The following TRAF7 variants were observed in gnomAD, a reference collection of about 807,000 sequenced individuals.
The protein encoded by TRAF7 is E3 ubiquitin-protein ligase TRAF7.
Under a neutral mutation model 89.3 loss-of-function variants are expected in TRAF7, and 45 were observed. The ratio of observed to expected loss-of-function variants is 0.50; its 90% confidence interval spans 0.40 to 0.65. The LOEUF is 0.65. Ranked by LOEUF, TRAF7 falls within the 30% of genes least tolerant of loss-of-function variation. The pLI is 0.00. For synonymous variants in TRAF7, 406 were observed against 369.2 expected (o/e 1.10, Z -1.14); for missense variants, 677 against 918.1 (o/e 0.74, Z 3.39).
chr16:2,173,859 T>TGGGCGCCC, intron 12 of TRAF7, 23 bp downstream of exon 12: 1 of 1,246,254 alleles, frequency 8.0e-7, no homozygotes. Flanking sequence ...CCGCCGTGGC[T>TGGGCGCCC]CCCGCCCACC....
intron 2 of TRAF7, among the ~76,000 whole-genome samples, chr16:2,164,707 T>A (rs1436968743): frequency 7.0e-6 from 1 of 142,428 alleles, no homozygotes; most frequent in African/African-American, 2.7e-5. Context: ...GTGTGAGTGC[T>A]GCGTGGCGCG....
rs755832898 is a variant in TRAF7, at chr16:2,175,097, C to T, written c.1347-14C>T. ...AGCTTCTCCCACCTTGACACATTGT[C>T]TCTGCTTCCCCAGGTGCAAACTCTA... On this transcript the variant is annotated splice_polypyrimidine_tract_variant and intron_variant, in intron 14 of 20. Transcript: ENST00000326181. The T allele has an allele frequency of 1.9e-6, 3 of 1,613,860 alleles. No homozygotes were observed. Among genetic ancestry groups the T allele is most frequent in the Non-Finnish European group, 2.5e-6 (3 of 1,179,958 alleles).
rs762152937 is a variant in TRAF7, at chr16:2,165,921, A to G, written c.124A>G (p.Thr42Ala). 6.2e-7 allele frequency: 1 copy of G among 1,614,094 alleles called. No homozygotes were observed. Among genetic ancestry groups the G allele is most frequent in the Admixed American group, 1.7e-5 (1 of 60,016 alleles). Residue 42 changes from threonine (T) to alanine (A), a missense_variant, in exon 3 of 21, where the codon ACC becomes GCC. Thr to Ala is a moderately conservative substitution (Grantham distance 58). Transcript: ENST00000326181. ...TTFGPAFSAV[T>A]TITKADGTST... The stretch of plus-strand genomic sequence containing the variant: ...CTTCGGACCCGCCTTTTCAGCCGTC[A>G]CCACCATCACAAAAGGTGAGCCCTT...
intron 4 of TRAF7, among the ~76,000 whole-genome samples, chr16:2,169,236 G>T (rs2093098771): frequency 6.6e-6 from 1 of 152,100 alleles, no homozygotes; most frequent in East Asian, 1.9e-4. Flanking sequence ...CCCCCTCCTT[G>T]GCCTTCCAAA....
At chr16:2,160,450 C>T (rs1430159435) in intron 1 of TRAF7, among the ~76,000 whole-genome samples, 3 of 144,734 alleles carry the variant, frequency 2.1e-5, no homozygotes, top group Admixed American at 7.0e-5. Context: ...GTGGTGTGGA[C>T]AGGCAGGCGG....
chr16:2,166,804 G>C (rs1013515380), intron 3 of TRAF7, among the ~76,000 whole-genome samples: 1 of 152,256 alleles, frequency 6.6e-6, no homozygotes, highest in Non-Finnish European at 1.5e-5. Flanking sequence ...CCAGAGTGCT[G>C]CGCTTTGAAC....
At chr16:2,176,205 G>A (rs1235195237) in intron 19 of TRAF7, 25 bp downstream of exon 19, 2 of 1,601,964 alleles carry the variant, frequency 1.2e-6, no homozygotes, top group East Asian at 2.2e-5. Flanking sequence ...AGCGGTGGCA[G>A]GAGGCTCAGA....
chr16:2,173,392 CAA>C lies in TRAF7; in HGVS notation c.1006_1007del (p.Lys336ValfsTer2), dbSNP rs754559944. On this transcript the variant is annotated frameshift_variant, in exon 10 of 21. Coordinates refer to ENST00000326181, the MANE Select transcript of TRAF7 (RefSeq NM_032271.3). LOFTEE classifies it high-confidence loss of function. ...IDQLEKSLELKFDVLDENQSK... is the reference protein window; with the variant it reads ...IDQLEKSLELXFDVLDENQSK... ...ACCAGCTAGAGAAGAGCCTGGAGCT[CAA>C]GTTTGGTGAGGGTGGGCACCGGGGC... 1 of 1,613,318 alleles carries C rather than the reference CAA, an allele frequency of 6.2e-7. No homozygotes were observed.
At chr16:2,166,696 C>T (rs192843356) in intron 3 of TRAF7, among the ~76,000 whole-genome samples, 16 of 152,344 alleles carry the variant, frequency 1.1e-4, no homozygotes, top group Non-Finnish European at 2.2e-4. Flanking sequence ...GCCAGCAAGC[C>T]AAGCCCAATA....
rs1946230044 is a variant in TRAF7 at position 2,163,649 on chromosome 16, G to T, written c.-38-234G>T. On this transcript the variant is annotated intron_variant, in intron 1 of 20. Transcript: ENST00000326181. This position sits in a 1 kb window ranked among gnomAD's most constrained non-coding sequence, Gnocchi z 4.3. Reference sequence around the variant, plus strand: ...CTCTTCGGGAGCTCAGAAAGGCTAAGCCTTGAGGGACGGTGACGCAGAGCC... The same window carrying T: ...CTCTTCGGGAGCTCAGAAAGGCTAATCCTTGAGGGACGGTGACGCAGAGCC... The T allele has an allele frequency of 1.9e-6, 1 of 515,410 alleles. No individual in the cohort carries two copies. The highest frequency in any genetic ancestry group is 3.5e-6 in the Non-Finnish European group (1 of 283,586). 31.9% of individuals were successfully genotyped at this position (515,410 alleles called of 1,614,324 possible). A position where few individuals can be genotyped will look rare whatever the true frequency, so the allele number is the denominator to read the frequency against.
chr16:2,160,782 G>A (rs909371941), intron 1 of TRAF7, among the ~76,000 whole-genome samples: 1 of 152,116 alleles, frequency 6.6e-6, no homozygotes, highest in African/African-American at 2.4e-5. Context: ...CACTCCGGTT[G>A]ACAACTTCCT....
chr16:2,164,035 C>T, intron 2 of TRAF7, 34 bp downstream of exon 2: 1 of 1,567,532 alleles, frequency 6.4e-7, no homozygotes, highest in Non-Finnish European at 8.7e-7. Flanking sequence ...CCCAACATCC[C>T]CAGGACCCCC....
intron 7 of TRAF7, 88 bp from the exon 8 acceptor site, chr16:2,172,103 T>TCTGG: frequency 6.6e-7 from 1 of 1,522,940 alleles, no homozygotes. Context: ...GATGGACAGA[T>TCTGG]CTGGCCCCCA....
Position 2,161,228 on chromosome 16 carries a change from C to T in TRAF7, c.-38-2655C>T, listed in dbSNP as rs1223057499. Among the ~76,000 whole-genome samples, 1 of 131,432 alleles carries T rather than the reference C, an allele frequency of 7.6e-6. No homozygotes were observed. Among genetic ancestry groups the T allele is most frequent in the Non-Finnish European group, 1.6e-5 (1 of 60,998 alleles). The allele number at this position is 131,432 out of a possible 152,430, so 86.2% of individuals were successfully genotyped here. ...CCCTCCGTCCCCCTGCTTCCCTCTG[C>T]CCCCTCCCTCCCTCCGTCCCCTCCC... On this transcript the variant is annotated intron_variant, in intron 1 of 20. Coordinates refer to ENST00000326181, the MANE Select transcript of TRAF7 (RefSeq NM_032271.3). This position sits in a 1 kb window ranked among gnomAD's most constrained non-coding sequence, Gnocchi z 5.2.
intron 1 of TRAF7, among the ~76,000 whole-genome samples, chr16:2,157,006 C>G (rs886317663): frequency 6.6e-6 from 1 of 152,078 alleles, no homozygotes; most frequent in Non-Finnish European, 1.5e-5. Flanking sequence ...TGGAGCCCAC[C>G]CTGCTCTTGG....
At position 2,170,636 on chromosome 16, in the gene TRAF7, G is replaced by A. The variant is rs750885564; in HGVS notation, c.254G>A (p.Arg85His). Reference sequence around the variant, plus strand: ...CAGCCCCCCATCAGCACTCCCCGCCGCTCCGACTCCGCCATCTCTGTCCGC... The same window carrying A: ...CAGCCCCCCATCAGCACTCCCCGCCACTCCGACTCCGCCATCTCTGTCCGC... ...DSMPPISTPRRSDSAISVRSL... is the reference protein window; with the variant it reads ...DSMPPISTPRHSDSAISVRSL... The change falls in exon 5 of 21, where the codon CGC (arginine) becomes CAC (histidine). Residue 85 changes from arginine (R) to histidine (H), a missense_variant. Arg to His is a conservative substitution (Grantham distance 29). Transcript: ENST00000326181. The A allele has an allele frequency of 1.2e-5, 19 of 1,609,772 alleles. No homozygotes were observed. The highest frequency in any genetic ancestry group is 2.3e-5 in the East Asian group (1 of 44,300).
At position 2,174,057 on chromosome 16, in the gene TRAF7, G is replaced by A. The variant is rs756378786; in HGVS notation, c.1263+9G>A. On this transcript the variant is annotated intron_variant, in intron 13 of 20. Coordinates refer to ENST00000326181, the MANE Select transcript of TRAF7 (RefSeq NM_032271.3). ...CTGACAAGACCATCAAGGTGGGCAG[G>A]GTCCTACCTCAGTCTCTGCAGCCTG... 6.2e-7 allele frequency: 1 copy of A among 1,612,492 alleles called. No individual in the cohort carries two copies. Among genetic ancestry groups the A allele is most frequent in the East Asian group, 2.2e-5 (1 of 44,866 alleles).
intron 9 of TRAF7, 146 bp from the exon 10 acceptor site, chr16:2,173,036 G>T: frequency 1.4e-6 from 1 of 694,446 alleles, no homozygotes; most frequent in Admixed American, 2.3e-5. Context: ...GCTGGATGGG[G>T]AGGAGGGGCA....
At chr16:2,157,356 A>T (rs371897320) in intron 1 of TRAF7, among the ~76,000 whole-genome samples, 5 of 151,602 alleles carry the variant, frequency 3.3e-5, no homozygotes, top group African/African-American at 1.2e-4. Flanking sequence ...TGACGCCCCA[A>T]CCTGAGGGTC....
Sources: allele counts gnomAD v4.1 joint callset (sites outside exome capture counted in the v4.1 genomes callset), GRCh38; gene constraint gnomAD v4.1.1; non-coding constraint Gnocchi (gnomAD v3.1); transcripts MANE v1.5; gene names NCBI Gene and HGNC (gene_info 2026-07-23, HGNC 2026-07-21).